Variants in CDH12 observed in about 807,000 individuals in gnomAD.
The protein encoded by CDH12 is cadherin-12.
A neutral mutation model predicts 74.1 loss-of-function variants in CDH12; 41 were observed. The observed-to-expected ratio is 0.55, with a 90% CI of 0.43 to 0.72. CDH12 has a LOEUF of 0.72. CDH12 is among the 30% of genes least tolerant of loss of function. The pLI, the probability that CDH12 is intolerant of heterozygous loss-of-function variation, is 0.00. For missense variants in CDH12, 945 were observed against 977.2 expected, an observed-to-expected ratio of 0.97 and a Z score of 0.44; for synonymous variants, 399 against 355.0, an observed-to-expected ratio of 1.12 and a Z score of -1.39.
chr5:22,206,779 T>A (rs2150359025), intron 4 of CDH12, among the ~76,000 whole-genome samples: 1 of 150,644 alleles, frequency 6.6e-6, no homozygotes, highest in Non-Finnish European at 1.5e-5. Context: ...ACACTGGTAG[T>A]TGATAACTTT....
In CDH12 at chr5:22,417,946, C is replaced by T. The variant is rs535667270; in HGVS notation, c.-427-12595G>A. Among the ~76,000 whole-genome samples the T allele has an allele frequency of 1.4e-4, 21 of 152,092 alleles. No homozygotes were observed. The South Asian group carries it at 2.7e-3, about 20-fold the overall frequency. On this transcript the variant is annotated intron_variant, in intron 2 of 14. Coordinates refer to ENST00000382254, the MANE Select transcript of CDH12 (RefSeq NM_004061.5). The stretch of plus-strand genomic sequence containing the variant: ...ACCATACATGGGTTACCTGGAAATG[C>T]GGGTAATTTATTTGTGTACCCTTTT...
chr5:22,345,882 T>C (rs1408729982), intron 3 of CDH12, among the ~76,000 whole-genome samples: 1 of 152,070 alleles, frequency 6.6e-6, no homozygotes, highest in Non-Finnish European at 1.5e-5. Context: ...GGCAGGCGGA[T>C]CGCCTGAGGT....
At chr5:22,170,484 C>A (rs188040798) in intron 4 of CDH12, among the ~76,000 whole-genome samples, 276 of 151,622 alleles carry the variant, frequency 1.8e-3, no homozygotes, top group African/African-American at 6.5e-3. Context: ...TTACCTGAAG[C>A]TGGGAGGGTT....
At chr5:22,598,760 T>C (rs1308886894) in intron 1 of CDH12, among the ~76,000 whole-genome samples, 2 of 152,174 alleles carry the variant, frequency 1.3e-5, no homozygotes, top group East Asian at 3.9e-4. Context: ...TACTTTCACC[T>C]ACATTATCTT....
At chr5:21,970,413 T>C (rs548321530) in intron 6 of CDH12, among the ~76,000 whole-genome samples, 73 of 152,310 alleles carry the variant, frequency 4.8e-4, no homozygotes, top group Non-Finnish European at 8.2e-4. Flanking sequence ...TGTCTCTCTA[T>C]GGCATTTTTG....
At chr5:22,337,511 T>C (rs1739646805) in intron 3 of CDH12, among the ~76,000 whole-genome samples, 1 of 152,150 alleles carries the variant, frequency 6.6e-6, no homozygotes, top group Non-Finnish European at 1.5e-5. Context: ...CATGCTGGTC[T>C]CATGATAGTG....
chr5:21,756,747 G>A (rs894338828), intron 13 of CDH12, among the ~76,000 whole-genome samples: 5 of 152,118 alleles, frequency 3.3e-5, no homozygotes, highest in African/African-American at 7.2e-5. Flanking sequence ...CATAACACTT[G>A]AGAATAAGGT....
chr5:22,089,001 G>A (rs189690862), intron 4 of CDH12, among the ~76,000 whole-genome samples: 22 of 152,252 alleles, frequency 1.4e-4, no homozygotes, highest in African/African-American at 3.1e-4. Flanking sequence ...TGACTCAGAC[G>A]CAGCAGTACA....
intron 5 of CDH12, among the ~76,000 whole-genome samples, chr5:22,006,187 AT>A (rs909399091): frequency 1.9e-3 from 289 of 148,580 alleles, no homozygotes; most frequent in African/African-American, 6.8e-3. Flanking sequence ...TCTTCTTTTA[AT>A]TTTTTTTTTA....
At position 21,854,876 on chromosome 5, in the gene CDH12, T is replaced by C. The variant is rs558363910; in HGVS notation, c.527-86A>G. The C allele has an allele frequency of 3.2e-3, 4,280 of 1,320,776 alleles. 8 individuals are homozygous for C. The highest frequency in any genetic ancestry group is 4.0e-3 in the Non-Finnish European group (3,808 of 952,346). 81.8% of individuals were successfully genotyped at this position (1,320,776 alleles called of 1,614,324 possible). On this transcript the variant is annotated intron_variant, in intron 6 of 14. Coordinates refer to ENST00000382254, the MANE Select transcript of CDH12 (RefSeq NM_004061.5). ...CTTATCTGCTGGACTCGATTTTCCT[T>C]TGGTATTTGACCTACGTCAAGTACA...
At chr5:21,866,527 C>G (rs887342787) in intron 6 of CDH12, among the ~76,000 whole-genome samples, 2 of 152,104 alleles carry the variant, frequency 1.3e-5, no homozygotes, top group African/African-American at 4.8e-5. Flanking sequence ...TGTATTTTTC[C>G]CGTGGCCTAG....
At chr5:21,870,971 A>G (rs1352468312) in intron 6 of CDH12, among the ~76,000 whole-genome samples, 1 of 152,142 alleles carries the variant, frequency 6.6e-6, no homozygotes, top group African/African-American at 2.4e-5. Flanking sequence ...GGATCAAACA[A>G]TCTACCCACC....
At chr5:22,771,624 A>G (rs565346291) in intron 1 of CDH12, among the ~76,000 whole-genome samples, 1 of 152,302 alleles carries the variant, frequency 6.6e-6, no homozygotes, top group East Asian at 1.9e-4. Flanking sequence ...GAAATATAAC[A>G]AAATATAATC....
intron 5 of CDH12, among the ~76,000 whole-genome samples, chr5:22,028,724 C>A (rs2150170164): frequency 6.6e-6 from 1 of 152,188 alleles, no homozygotes; most frequent in Non-Finnish European, 1.5e-5. Context: ...CCCCATCAAG[C>A]TACCAATGAC....
At chr5:22,263,244 T>C (rs1753587499) in intron 3 of CDH12, among the ~76,000 whole-genome samples, 1 of 152,130 alleles carries the variant, frequency 6.6e-6, no homozygotes, top group Non-Finnish European at 1.5e-5. Context: ...GAGTGTTTCA[T>C]CTCAAGATTC....
chr5:22,360,655 G>C (rs1297903069), intron 3 of CDH12, among the ~76,000 whole-genome samples: 2 of 152,098 alleles, frequency 1.3e-5, no homozygotes, highest in African/African-American at 4.8e-5. Context: ...CAATATCCCT[G>C]ATGAACATTG....
intron 7 of CDH12, among the ~76,000 whole-genome samples, chr5:21,849,366 T>C (rs950046045): frequency 2.8e-4 from 42 of 151,818 alleles, no homozygotes; most frequent in African/African-American, 9.7e-4. Context: ...ACCCAGAATC[T>C]ACCTGAAGTC....
intron 1 of CDH12, among the ~76,000 whole-genome samples, chr5:22,647,083 G>A (rs1739473742): frequency 6.6e-6 from 1 of 151,666 alleles, no homozygotes; most frequent in Non-Finnish European, 1.5e-5. Context: ...ACAATATAAA[G>A]ACCCACATTC....
intron 1 of CDH12, among the ~76,000 whole-genome samples, chr5:22,629,012 A>G (rs1738443297): frequency 6.6e-6 from 1 of 152,040 alleles, no homozygotes; most frequent in African/African-American, 2.4e-5. Flanking sequence ...AAGAAATGGA[A>G]AAGAATCTGG....
Sources: gnomAD v4.1 joint callset for allele counts (sites outside exome capture counted in the v4.1 genomes callset) on GRCh38, gnomAD v4.1.1 for gene constraint, MANE v1.5 for transcripts, NCBI Gene and HGNC (gene_info 2026-07-23, HGNC 2026-07-21) for gene names.